The following DEF8 variants were observed in gnomAD, a reference collection of about 807,000 sequenced individuals.
DEF8 encodes the protein DEF-8.
Under a neutral mutation model 59.1 loss-of-function variants are expected in DEF8, and 38 were observed. That is an observed-to-expected ratio of 0.64 (90% CI 0.50 to 0.84). The LOEUF (loss-of-function observed/expected upper bound fraction) is 0.84, where lower values mean the gene tolerates loss of function less well. DEF8 is among the 40% of genes least tolerant of loss of function. DEF8 has a pLI of 0.00. For synonymous variants in DEF8, 265 were observed against 250.1 expected, an observed-to-expected ratio of 1.06 and a Z score of -0.56; for missense variants, 557 against 615.2, an observed-to-expected ratio of 0.91 and a Z score of 1.00.
chr16:89,954,134 G>C lies in DEF8; in HGVS notation c.-10-109G>C. On this transcript the variant is annotated intron_variant, in intron 2 of 12. Coordinates refer to ENST00000563594, the MANE Select transcript of DEF8 (RefSeq NM_001242818.2). The surrounding 1 kb of genome is among the most constrained non-coding windows in gnomAD (Gnocchi z 4.3). The stretch of plus-strand genomic sequence containing the variant: ...TGTGAGGACTACCCACTTTAGGGAA[G>C]TGAAAGAGGCCAGCCTCACCCCAGA... The C allele has an allele frequency of 1.6e-6, 2 of 1,283,498 alleles. No homozygotes were observed. The highest frequency in any genetic ancestry group is 2.2e-6 in the Non-Finnish European group (2 of 921,896). 79.5% of individuals were successfully genotyped at this position (1,283,498 alleles called of 1,614,324 possible). A position where few individuals can be genotyped will look rare whatever the true frequency, so the allele number is the denominator to read the frequency against.
intron 2 of DEF8, among the ~76,000 whole-genome samples, chr16:89,952,009 C>T (rs1021966100): frequency 6.6e-6 from 1 of 152,064 alleles, no homozygotes; most frequent in Non-Finnish European, 1.5e-5. Flanking sequence ...TCCCGAGTAG[C>T]TGGGGCTACA....
chr16:89,954,354 G>C lies in DEF8; in HGVS notation c.102G>C (p.Glu34Asp), dbSNP rs772752227. Residue 34 changes from glutamate (E) to aspartate (D), a missense_variant, in exon 3 of 13, where the codon GAG (glutamate) becomes GAC (aspartate). Transcript: ENST00000563594. This position sits in a 1 kb window ranked among gnomAD's most constrained non-coding sequence, Gnocchi z 4.3. Reference protein sequence around the residue: ...PRQHEQGPGEEVPDVTPEEAL... With the variant: ...PRQHEQGPGEDVPDVTPEEAL... ...AGCATGAGCAGGGCCCTGGGGAGGA[G>C]GTCCCGGACGTCACTCCTGAAGGTG... 3 of 1,613,822 alleles carry C rather than the reference G, an allele frequency of 1.9e-6. No homozygotes were observed. In the East Asian group the frequency reaches 6.7e-5, roughly 36 times the overall value.
In DEF8 at chr16:89,966,295, A is replaced by G; in HGVS notation, c.*332A>G. The G allele has an allele frequency of 4.8e-6, 1 of 209,338 alleles. No homozygotes were observed. The highest frequency in any genetic ancestry group is 9.9e-6 in the Non-Finnish European group (1 of 101,418). 13.0% of individuals were successfully genotyped at this position (209,338 alleles called of 1,614,324 possible). ...ACAGAGCCCTCCACACCCCTGGACC[A>G]GGGCATCCGGGCCCTAGAAATTCCA... is the stretch of plus-strand genomic sequence containing the variant. On this transcript the variant is annotated 3_prime_UTR_variant, in exon 13 of 13. Coordinates refer to ENST00000563594, the MANE Select transcript of DEF8 (RefSeq NM_001242818.2).
At position 89,963,427 on chromosome 16, in the gene DEF8, C is replaced by T; in HGVS notation, c.986C>T (p.Ala329Val). 1.2e-6 allele frequency: 2 copies of T among 1,613,632 alleles called. No individual in the cohort carries two copies. Among genetic ancestry groups the T allele is most frequent in the Middle Eastern group, 1.7e-4 (1 of 6,048 alleles). Reference sequence around the variant, plus strand: ...ATCACCTGCAGGGAGGCCATGGAGGCTCGTCTGCTGCTGCAGGTCAGACTG... The same window carrying T: ...ATCACCTGCAGGGAGGCCATGGAGGTTCGTCTGCTGCTGCAGGTCAGACTG... ...YFITCREAME[A>V]RLLLQLQDRQ... The change falls in exon 10 of 13, where the codon GCT becomes GTT. Residue 329 changes from alanine (A) to valine (V), a missense_variant. Ala to Val is a moderately conservative substitution (Grantham distance 64). Transcript: ENST00000563594.
Position 89,957,676 on chromosome 16 carries a change from C to G in DEF8, c.372+16C>G. The G allele has an allele frequency of 6.5e-7, 1 of 1,536,144 alleles. No individual in the cohort carries two copies. The highest frequency in any genetic ancestry group is 1.4e-5 in the African/African-American group (1 of 73,184). On this transcript the variant is annotated intron_variant, in intron 5 of 12. Transcript: ENST00000563594. ...GGAGCTGAAGGTGGGTGTGGGGCCG[C>G]CCCGCCGTGGGGCAGCCTGGGGCCG...
At chr16:89,958,641 C>G (rs1481071947) in intron 5 of DEF8, 2 of 261,646 alleles carry the variant, frequency 7.6e-6, no homozygotes, top group Non-Finnish European at 1.5e-5. Flanking sequence ...TCTATGACAG[C>G]TAATGGTGTT....
At chr16:89,948,844 G>C (rs1415933151) in intron 1 of DEF8, 30 bp downstream of exon 1, 2 of 864,740 alleles carry the variant, frequency 2.3e-6, no homozygotes, top group African/African-American at 5.2e-5. Context: ...CGGGGTCGGG[G>C]CCGGCGGGGA....
At chr16:89,949,712 G>A (rs1417088995) in intron 2 of DEF8, 199 bp downstream of exon 2, 8 of 1,410,114 alleles carry the variant, frequency 5.7e-6, no homozygotes, top group Admixed American at 2.2e-5. Context: ...GGCTTTCTTC[G>A]GCTTCCTTTC....
intron 2 of DEF8, among the ~76,000 whole-genome samples, chr16:89,951,898 T>C (rs1216342535): frequency 4.6e-5 from 7 of 151,170 alleles, no homozygotes. Context: ...TTTTTTTTGA[T>C]ATGGAGTCTC....
intron 9 of DEF8, among the ~76,000 whole-genome samples, chr16:89,962,357 C>A (rs1231696246): frequency 1.3e-5 from 2 of 152,188 alleles, no homozygotes; most frequent in South Asian, 2.1e-4. Flanking sequence ...TTTGTAATAG[C>A]CACGTTAAAA....
Position 89,957,440 on chromosome 16 carries a change from C to T in DEF8, c.223-71C>T, listed in dbSNP as rs551349186. 357 of 1,486,838 alleles carry T rather than the reference C, an allele frequency of 2.4e-4. 1 individual carries two copies. The East Asian group carries it at 8.6e-3, about 36-fold the overall frequency. 92.1% of individuals were successfully genotyped at this position (1,486,838 alleles called of 1,614,324 possible). On this transcript the variant is annotated intron_variant, in intron 4 of 12. Transcript: ENST00000563594. Reference sequence around the variant, plus strand: ...GTCGGGGTCTGCTCTGGGCCTGTCTCGGCGGATGGGCCTTAACAGGGAGCT... The same window carrying T: ...GTCGGGGTCTGCTCTGGGCCTGTCTTGGCGGATGGGCCTTAACAGGGAGCT...
In DEF8 at chr16:89,959,116, A is replaced by G. The variant is rs1459497143; in HGVS notation, c.475A>G (p.Ile159Val). Reference protein sequence around the residue: ...VKQTCDKCNTIIWGLIQTWYT... With the variant: ...VKQTCDKCNTVIWGLIQTWYT... Reference sequence around the variant, plus strand: ...GCAGACCTGTGACAAGTGTAACACCATCATCTGGGGGCTCATTCAGACCTG... The same window carrying G: ...GCAGACCTGTGACAAGTGTAACACCGTCATCTGGGGGCTCATTCAGACCTG... The change falls in exon 6 of 13, where the codon ATC becomes GTC. Residue 159 changes from isoleucine to valine, a missense_variant. Physicochemically the swap from Ile to Val is conservative, Grantham distance 29. Transcript: ENST00000563594. 1.2e-6 allele frequency: 2 copies of G among 1,613,806 alleles called. No individual in the cohort carries two copies. The highest frequency in any genetic ancestry group is 1.1e-5 in the South Asian group (1 of 91,080).
At chr16:89,962,243 C>T in intron 9 of DEF8, 118 bp downstream of exon 9, 1 of 907,714 alleles carries the variant, frequency 1.1e-6, no homozygotes, top group African/African-American at 1.6e-5. Flanking sequence ...GGAGGGAGGC[C>T]ACCTGCTTAG....
rs1433373129 is a variant in DEF8 at position 89,962,183 on chromosome 16, G to C, written c.921+58G>C. On this transcript the variant is annotated intron_variant, in intron 9 of 12. Coordinates refer to ENST00000563594, the MANE Select transcript of DEF8 (RefSeq NM_001242818.2). ...GGCGCTGTGTCAGGTGGGCCCTAGGGCCGGGCCAGTACCCTCTTCTCCTCT... is the reference window on the plus strand; with the variant it reads ...GGCGCTGTGTCAGGTGGGCCCTAGGCCCGGGCCAGTACCCTCTTCTCCTCT... 6 of 1,468,646 alleles carry C rather than the reference G, an allele frequency of 4.1e-6. No individual in the cohort carries two copies. The Admixed American group carries it at 9.3e-5, about 23-fold the overall frequency. The allele number at this position is 1,468,646 out of a possible 1,614,324, so 91.0% of individuals were successfully genotyped here.
At chr16:89,964,419 G>C (rs762527881) in intron 11 of DEF8, 47 bp from the exon 12 acceptor site, 1 of 1,553,764 alleles carries the variant, frequency 6.4e-7, no homozygotes, top group Non-Finnish European at 8.7e-7. Context: ...GCCCAGAGGA[G>C]CTGGCACTGA....
At chr16:89,949,684 G>T (rs771424104) in intron 2 of DEF8, 171 bp downstream of exon 2, 1 of 1,550,784 alleles carries the variant, frequency 6.4e-7, no homozygotes, top group Non-Finnish European at 8.8e-7. Flanking sequence ...GGGTCCCTCC[G>T]TGCCCCGGAA....
In DEF8 at chr16:89,954,058, G is replaced by A. The variant is rs957446737; in HGVS notation, c.-10-185G>A. 1 of 622,990 alleles carries A rather than the reference G, an allele frequency of 1.6e-6. No individual in the cohort carries two copies. Among genetic ancestry groups the A allele is most frequent in the African/African-American group, 1.8e-5 (1 of 54,110 alleles). 38.6% of individuals were successfully genotyped at this position (622,990 alleles called of 1,614,324 possible). A position where few individuals can be genotyped will look rare whatever the true frequency, so the allele number is the denominator to read the frequency against. ...GGGGACGCCACCAGTGGGGGCCTGG[G>A]CAGGAGGCAGCTGAGGTGTTTCAGG... On this transcript the variant is annotated intron_variant, in intron 2 of 12. Transcript: ENST00000563594. The surrounding 1 kb of genome is among the most constrained non-coding windows in gnomAD (Gnocchi z 4.3).
In DEF8 at chr16:89,961,041, G is replaced by C; in HGVS notation, c.625G>C (p.Gly209Arg). Residue 209 changes from glycine to arginine, a missense_variant, in exon 7 of 13, where the codon GGG (glycine) becomes CGG (arginine). Coordinates refer to ENST00000563594, the MANE Select transcript of DEF8 (RefSeq NM_001242818.2). ...EYELNICPET[G>R]LDSQDYRCAE... is the part of the protein sequence containing the mutation. ...CGAACTGAACATCTGCCCTGAGACA[G>C]GGCTGGACAGCCAGGATTACCGCTG... The C allele has an allele frequency of 6.2e-7, 1 of 1,614,142 alleles. No individual in the cohort carries two copies. The highest frequency in any genetic ancestry group is 8.5e-7 in the Non-Finnish European group (1 of 1,180,014).
intron 9 of DEF8, among the ~76,000 whole-genome samples, chr16:89,962,389 G>A (rs2034139945): frequency 6.6e-6 from 1 of 152,222 alleles, no homozygotes; most frequent in Admixed American, 6.5e-5. Flanking sequence ...GCTGGGCACG[G>A]TGCTCACACC....
Sources: allele counts gnomAD v4.1 joint callset (sites outside exome capture counted in the v4.1 genomes callset), GRCh38; gene constraint gnomAD v4.1.1; non-coding constraint Gnocchi (gnomAD v3.1); transcripts MANE v1.5; gene names NCBI Gene and HGNC (gene_info 2026-07-23, HGNC 2026-07-21).